The following NDFIP2 variants were observed in gnomAD, a reference collection of about 807,000 sequenced individuals.
NDFIP2 encodes NEDD4 family-interacting protein 2.
A neutral mutation model predicts 36.0 loss-of-function variants in NDFIP2; 19 were observed. That is an observed-to-expected ratio of 0.53 (90% CI 0.37 to 0.77). NDFIP2 has a LOEUF of 0.77. NDFIP2 is among the 30% of genes least tolerant of loss of function. NDFIP2 has a pLI of 0.00. For synonymous variants in NDFIP2, 181 were observed against 167.7 expected (o/e 1.08, Z -0.61); for missense variants, 446 against 435.8 (o/e 1.02, Z -0.21).
intron 1 of NDFIP2, among the ~76,000 whole-genome samples, chr13:79,509,549 T>A (rs1873994745): frequency 6.6e-6 from 1 of 152,126 alleles, no homozygotes; most frequent in Non-Finnish European, 1.5e-5. Flanking sequence ...TAAAGAGGCA[T>A]GTCTGCTCCC....
In NDFIP2 at chr13:79,540,705, G is replaced by C. The variant is rs549457365; in HGVS notation, c.715+930G>C. Among the ~76,000 whole-genome samples the C allele has an allele frequency of 6.6e-5, 10 of 152,226 alleles. No homozygotes were observed. The East Asian group carries it at 1.7e-3, about 26-fold the overall frequency. ...TGAGTTGTCACTTTTGAGTCTGAAAGTCCATGTAAACCCTGTCCTCCAAGT... is the reference window on the plus strand; with the variant it reads ...TGAGTTGTCACTTTTGAGTCTGAAACTCCATGTAAACCCTGTCCTCCAAGT... On this transcript the variant is annotated intron_variant, in intron 4 of 7. Transcript: ENST00000218652.
intron 5 of NDFIP2, among the ~76,000 whole-genome samples, chr13:79,544,599 T>C (rs1196333596): frequency 1.3e-5 from 2 of 152,048 alleles, no homozygotes; most frequent in Non-Finnish European, 2.9e-5. Flanking sequence ...AATGCTGTTA[T>C]ACAATTAATA....
rs965365575 is a variant in NDFIP2 at position 79,554,372 on chromosome 13, A to G, written c.*1859A>G. 6 of 151,850 alleles carry G rather than the reference A, an allele frequency of 4.0e-5. No homozygotes were observed. Among genetic ancestry groups the G allele is most frequent in the African/African-American group, 1.4e-4 (6 of 41,440 alleles). 9.4% of individuals were successfully genotyped at this position (151,850 alleles called of 1,614,324 possible). Reference sequence around the variant, plus strand: ...TTTCAATAATTTTTAAATGAAATTAAGCTTTGCTACATGGTAATTAAATAA... The same window carrying G: ...TTTCAATAATTTTTAAATGAAATTAGGCTTTGCTACATGGTAATTAAATAA... On this transcript the variant is annotated 3_prime_UTR_variant, in exon 8 of 8. Coordinates refer to ENST00000218652, the MANE Select transcript of NDFIP2 (RefSeq NM_019080.3).
chr13:79,481,782 G>A (rs906893063), intron 1 of NDFIP2, among the ~76,000 whole-genome samples: 2 of 151,880 alleles, frequency 1.3e-5, no homozygotes, highest in African/African-American at 4.8e-5. Flanking sequence ...GCTGTGAGAC[G>A]CCCTCCCTCC....
intron 5 of NDFIP2, among the ~76,000 whole-genome samples, chr13:79,545,829 C>T (rs1875649505): frequency 6.6e-6 from 1 of 152,100 alleles, no homozygotes; most frequent in Non-Finnish European, 1.5e-5. Flanking sequence ...CTCCGCCTCC[C>T]GGGTTCAAGC....
intron 2 of NDFIP2, among the ~76,000 whole-genome samples, chr13:79,521,493 CTAAA>C (rs1237425239): frequency 1.3e-5 from 2 of 152,002 alleles, no homozygotes; most frequent in Admixed American, 6.6e-5. Context: ...CTAATAATTT[CTAAA>C]TAAATTCTAA....
Position 79,481,246 on chromosome 13 carries a change from A to G in NDFIP2, c.43A>G (p.Ser15Gly), listed in dbSNP as rs2079809263. Residue 15 changes from serine to glycine, a missense_variant, in exon 1 of 8, where the codon AGC becomes GGC. This residue lies in a region of NDFIP2 where 369 missense variants were observed against 304.8 expected (regional missense o/e 1.21). Coordinates refer to ENST00000218652, the MANE Select transcript of NDFIP2 (RefSeq NM_019080.3). ...RSQRVCASGP[S>G]MLNSARGAPE... ...CCAGCGAGTCTGCGCGAGCGGTCCG[A>G]GCATGCTCAATAGCGCGCGCGGCGC... 2.6e-6 allele frequency: 4 copies of G among 1,534,900 alleles called. No individual in the cohort carries two copies. Among genetic ancestry groups the G allele is most frequent in the Non-Finnish European group, 3.5e-6 (4 of 1,145,950 alleles).
chr13:79,549,662 T>G (rs1276265072), intron 6 of NDFIP2, among the ~76,000 whole-genome samples: 1 of 151,976 alleles, frequency 6.6e-6, no homozygotes, highest in Non-Finnish European at 1.5e-5. Context: ...CTGGGTGGCT[T>G]CTTTTAGAAA....
chr13:79,524,181 A>T (rs1874699429), intron 2 of NDFIP2, among the ~76,000 whole-genome samples: 1 of 152,008 alleles, frequency 6.6e-6, no homozygotes, highest in African/African-American at 2.4e-5. Context: ...CATTATTAAC[A>T]CTTCTTGATG....
intron 1 of NDFIP2, among the ~76,000 whole-genome samples, chr13:79,502,331 G>T (rs1165538413): frequency 2.0e-5 from 3 of 152,102 alleles, no homozygotes; most frequent in Non-Finnish European, 4.4e-5. Context: ...AAGGACAAAA[G>T]AATTCTTCTA....
intron 3 of NDFIP2, among the ~76,000 whole-genome samples, chr13:79,534,097 C>T (rs964575338): frequency 2.0e-5 from 3 of 152,166 alleles, no homozygotes; most frequent in African/African-American, 7.2e-5. Flanking sequence ...AACTCACTCA[C>T]TCTGGTTACC....
chr13:79,546,979 A>G (rs1875705764), intron 5 of NDFIP2, among the ~76,000 whole-genome samples: 1 of 152,056 alleles, frequency 6.6e-6, no homozygotes, highest in African/African-American at 2.4e-5. Context: ...TTAAAGATGT[A>G]GGTGTACATG....
chr13:79,513,368 T>C (rs1185209900), intron 1 of NDFIP2, among the ~76,000 whole-genome samples: 1 of 152,228 alleles, frequency 6.6e-6, no homozygotes, highest in Non-Finnish European at 1.5e-5. Flanking sequence ...TATTATACTA[T>C]GGAGAGACAC....
intron 4 of NDFIP2, among the ~76,000 whole-genome samples, chr13:79,542,146 C>T (rs1015963070): frequency 6.6e-6 from 1 of 152,052 alleles, no homozygotes; most frequent in African/African-American, 2.4e-5. Context: ...TGGAAATGAC[C>T]TTAAATTTTA....
At chr13:79,540,196 G>T (rs1231051157) in intron 4 of NDFIP2, among the ~76,000 whole-genome samples, 1 of 152,154 alleles carries the variant, frequency 6.6e-6, no homozygotes, top group Non-Finnish European at 1.5e-5. Context: ...CAGATATTCT[G>T]GGCAACTGGA....
chr13:79,530,615 C>CT (rs1320581641), intron 2 of NDFIP2, among the ~76,000 whole-genome samples: 5 of 152,210 alleles, frequency 3.3e-5, no homozygotes, highest in Non-Finnish European at 5.9e-5. Flanking sequence ...AATCTAAGTC[C>CT]TTTTTTGTCA....
At chr13:79,512,892 T>G (rs1212015146) in intron 1 of NDFIP2, among the ~76,000 whole-genome samples, 1 of 152,236 alleles carries the variant, frequency 6.6e-6, no homozygotes, top group African/African-American at 2.4e-5. Flanking sequence ...CTTCTCTATT[T>G]GGGTTTCTAA....
chr13:79,500,215 C>A (rs942593116), intron 1 of NDFIP2, among the ~76,000 whole-genome samples: 1 of 147,256 alleles, frequency 6.8e-6, no homozygotes, highest in Non-Finnish European at 1.5e-5. Context: ...ACACCCTCTA[C>A]ACAAATTAAC....
Position 79,481,449 on chromosome 13 carries a change from C to G in NDFIP2, c.246C>G (p.Asp82Glu). 6.4e-7 allele frequency: 1 copy of G among 1,562,418 alleles called. No homozygotes were observed. The highest frequency in any genetic ancestry group is 8.7e-7 in the Non-Finnish European group (1 of 1,152,990). Residue 82 changes from aspartate to glutamate, a missense_variant, in exon 1 of 8, where the codon GAC becomes GAG. Transcript: ENST00000218652. ...CCGTGGGAGCTGAGCACGGAGAAGA[C>G]TCCCTCTCTCGGAAGCCGGATCCCG... The part of the protein sequence containing the change: ...GVAVGAEHGE[D>E]SLSRKPDPEP...
Sources: gnomAD v4.1 joint callset for allele counts (sites outside exome capture counted in the v4.1 genomes callset) on GRCh38, gnomAD v4.1.1 for gene constraint, gnomAD v4.1.1 regional missense constraint, MANE v1.5 for transcripts, NCBI Gene and HGNC (gene_info 2026-07-23, HGNC 2026-07-21) for gene names.